DMXL1: variants seen among roughly 807,000 people sequenced by gnomAD.
DMXL1 encodes dmX-like protein 1.
Under a neutral mutation model 319.2 loss-of-function variants are expected in DMXL1, and 99 were observed. That is an observed-to-expected ratio of 0.31 (90% CI 0.26 to 0.37). The LOEUF is 0.37. Ranked by LOEUF, DMXL1 falls within the 10% of genes least tolerant of loss-of-function variation. DMXL1 has a pLI of 1.00. For missense variants in DMXL1, 3,745 were observed against 3,595.6 expected (o/e 1.04, Z -1.06); for synonymous variants, 1,385 against 1,235.2 (o/e 1.12, Z -2.54).
intron 20 of DMXL1, 150 bp downstream of exon 20, chr5:119,164,826 T>G: frequency 1.5e-6 from 1 of 653,670 alleles, no homozygotes; most frequent in Non-Finnish European, 2.4e-6. Context: ...TATAACGTGT[T>G]TCAAAATATC....
At chr5:119,120,869 T>C in intron 8 of DMXL1, 102 bp from the exon 9 acceptor site, 1 of 916,466 alleles carries the variant, frequency 1.1e-6, no homozygotes, top group South Asian at 3.2e-5. Context: ...ACATGTAAAA[T>C]GTTCTGAGCT....
chr5:119,219,650 C>G (rs1412461846), intron 35 of DMXL1, among the ~76,000 whole-genome samples: 1 of 152,060 alleles, frequency 6.6e-6, no homozygotes, highest in Non-Finnish European at 1.5e-5. Context: ...TCACTGCAGC[C>G]TCGACCTCCT....
chr5:119,173,351 C>CAA (rs1251810129), intron 25 of DMXL1, among the ~76,000 whole-genome samples: 39 of 76,704 alleles, frequency 5.1e-4, no homozygotes, highest in East Asian at 1.6e-3. Context: ...CACCCCCCGC[C>CAA]AAAAAAAAAA....
chr5:119,218,537 A>G (rs1229069379), intron 35 of DMXL1, among the ~76,000 whole-genome samples: 1 of 151,860 alleles, frequency 6.6e-6, no homozygotes, highest in Non-Finnish European at 1.5e-5. Context: ...GCTTACTGCA[A>G]CCTCTGCCTC....
chr5:119,154,798 T>A (rs1299159505), intron 19 of DMXL1: 1 of 152,330 alleles, frequency 6.6e-6, no homozygotes, highest in African/African-American at 2.4e-5. Context: ...GAAGATGCCA[T>A]CTAGGACTTT....
intron 7 of DMXL1, among the ~76,000 whole-genome samples, chr5:119,117,102 C>T (rs1761013565): frequency 6.6e-6 from 1 of 152,156 alleles, no homozygotes; most frequent in African/African-American, 2.4e-5. Flanking sequence ...AGTCATGGCT[C>T]ACTGCAACCT....
In DMXL1 at chr5:119,244,449, A is replaced by G. The variant is rs1247197304; in HGVS notation, c.8795A>G (p.Tyr2932Cys). The G allele has an allele frequency of 3.1e-6, 5 of 1,614,002 alleles. No individual in the cohort carries two copies. The African/African-American group carries it at 5.3e-5, about 17-fold the overall frequency. Residue 2932 changes from tyrosine (Y) to cysteine (C), a missense_variant, in exon 43 of 44, where the codon TAT becomes TGT. Tyr to Cys is a radical substitution (Grantham distance 194). Transcript: ENST00000539542. The stretch of plus-strand genomic sequence containing the variant: ...TCAGGTGGCAGAAAAGGTTTTACAT[A>G]TGTATTTGACCTTTGTCAACGACAA... Reference protein sequence around the residue: ...LISGGRKGFTYVFDLCQRQQR... With the variant: ...LISGGRKGFTCVFDLCQRQQR...
At chr5:119,180,237 C>G (rs1298204486) in intron 28 of DMXL1, among the ~76,000 whole-genome samples, 1 of 152,164 alleles carries the variant, frequency 6.6e-6, no homozygotes, top group Non-Finnish European at 1.5e-5. Context: ...ACGTATTTGA[C>G]CTAACCACAA....
chr5:119,156,122 T>C (rs1290617399), intron 19 of DMXL1, among the ~76,000 whole-genome samples: 2 of 152,228 alleles, frequency 1.3e-5, no homozygotes, highest in African/African-American at 4.8e-5. Flanking sequence ...CACTTCATTG[T>C]TGCCTTATTT....
intron 9 of DMXL1, among the ~76,000 whole-genome samples, chr5:119,126,255 C>G (rs1050124885): frequency 6.6e-6 from 1 of 152,070 alleles, no homozygotes; most frequent in Non-Finnish European, 1.5e-5. Context: ...TGCCCTCCAC[C>G]CTGGGCAGCA....
chr5:119,180,609 G>C (rs1776608134), intron 28 of DMXL1, among the ~76,000 whole-genome samples: 1 of 151,812 alleles, frequency 6.6e-6, no homozygotes, highest in Non-Finnish European at 1.5e-5. Context: ...TAAGTATTTT[G>C]TTTTTGTAAC....
chr5:119,217,405 G>T (rs149030743), intron 35 of DMXL1, among the ~76,000 whole-genome samples: 2 of 152,034 alleles, frequency 1.3e-5, no homozygotes, highest in Admixed American at 6.6e-5. Flanking sequence ...GCTGCCCAAC[G>T]TGTGTATTTT....
In DMXL1 at chr5:119,150,120, G is replaced by A. The variant is rs147904610; in HGVS notation, c.4293G>A (p.Thr1431=). The A allele has an allele frequency of 1.9e-3, 3,143 of 1,613,692 alleles. 8 individuals are homozygous for A. Among genetic ancestry groups the A allele is most frequent in the Non-Finnish European group, 2.3e-3 (2,687 of 1,179,846 alleles). The change falls in exon 18 of 44, where the codon ACG becomes ACA. Residue 1431 remains threonine (T), a synonymous_variant. Transcript: ENST00000539542. ...TGGAGAAATCTAGTAATGAGAGTAC[G>A]TTAAGTAAATCAAACCAATTATCTA... ...SSLEKSSNES[T]LSKSNQLSKE...
intron 13 of DMXL1, among the ~76,000 whole-genome samples, chr5:119,141,813 C>T (rs905899651): frequency 6.6e-6 from 1 of 151,846 alleles, no homozygotes; most frequent in African/African-American, 2.4e-5. Context: ...CCAAGGCAAT[C>T]GTAAAAAAAA....
rs142231570 is a variant in DMXL1 at position 119,143,189 on chromosome 5, C to T, written c.2377-652C>T. On this transcript the variant is annotated intron_variant, in intron 13 of 43. Transcript: ENST00000539542. ...ACAAAGCCCTGTGACATGAGTTTAG[C>T]ACACGTACTCCCAAACCTACAATGA... Among the ~76,000 whole-genome samples, 167 of 152,026 alleles carry T rather than the reference C, an allele frequency of 1.1e-3. No individual in the cohort carries two copies. The Middle Eastern group carries it at 0.02, about 19-fold the overall frequency.
intron 40 of DMXL1, among the ~76,000 whole-genome samples, chr5:119,237,873 C>T (rs1288000860): frequency 6.6e-6 from 1 of 152,030 alleles, no homozygotes; most frequent in African/African-American, 2.4e-5. Flanking sequence ...CTTTTATGAA[C>T]TTTCTGTGGC....
intron 1 of DMXL1, among the ~76,000 whole-genome samples, chr5:119,086,994 G>T (rs919311928): frequency 3.3e-5 from 5 of 151,792 alleles, no homozygotes; most frequent in African/African-American, 1.2e-4. Context: ...GCTGGTATAT[G>T]GTTGTTCATA....
intron 2 of DMXL1, among the ~76,000 whole-genome samples, chr5:119,098,540 C>G (rs1334572525): frequency 6.6e-6 from 1 of 151,488 alleles, no homozygotes; most frequent in Non-Finnish European, 1.5e-5. Context: ...ATGAAAAACT[C>G]TTTGAGAGTT....
intron 25 of DMXL1, among the ~76,000 whole-genome samples, chr5:119,173,201 G>A (rs886786832): frequency 2.0e-5 from 3 of 151,934 alleles, no homozygotes; most frequent in East Asian, 1.9e-4. Flanking sequence ...TTAGCCAGGC[G>A]TAGTGGCACA....
Sources: gnomAD v4.1 joint callset for allele counts (sites outside exome capture counted in the v4.1 genomes callset) on GRCh38, gnomAD v4.1.1 for gene constraint, MANE v1.5 for transcripts, NCBI Gene and HGNC (gene_info 2026-07-23, HGNC 2026-07-21) for gene names.